Variants in BIN1 observed in about 807,000 individuals in gnomAD.
BIN1 encodes bridging integrator 1.
A neutral mutation model predicts 82.0 loss-of-function variants in BIN1; 53 were observed. The ratio of observed to expected loss-of-function variants is 0.65; its 90% CI spans 0.52 to 0.81. The LOEUF is 0.81. BIN1 is among the 40% of genes least tolerant of loss of function. The pLI is 0.00. For missense variants in BIN1, 642 were observed against 784.4 expected, an observed-to-expected ratio of 0.82 and a Z score of 2.17; for synonymous variants, 302 against 328.0, an observed-to-expected ratio of 0.92 and a Z score of 0.86.
chr2:127,052,108 T>G (rs1573538401), intron 15 of BIN1, 147 bp downstream of exon 15: 3 of 912,654 alleles, frequency 3.3e-6, no homozygotes, highest in Non-Finnish European at 3.4e-6. Flanking sequence ...AAGCCCGTGC[T>G]GGGGCAGCCT....
chr2:127,070,159 G>T, intron 4 of BIN1, 69 bp from the exon 5 acceptor site: 2 of 1,290,130 alleles, frequency 1.6e-6, no homozygotes, highest in South Asian at 2.4e-5. Context: ...CGCTCACCTC[G>T]CAGGGACCAG....
rs761498959 is a variant in BIN1, at chr2:127,052,373, G to A, written c.1264-11C>T. 4 of 1,566,342 alleles carry A rather than the reference G, an allele frequency of 2.6e-6. No individual in the cohort carries two copies. The highest frequency in any genetic ancestry group is 3.5e-6 in the Non-Finnish European group (4 of 1,155,596). ...TGGACTCTCTGTGGGCTGGTAACAG[G>A]CCACGAGGAGAGAACAGGGAGGGGG... On this transcript the variant is annotated splice_polypyrimidine_tract_variant and intron_variant, in intron 14 of 18. Coordinates refer to ENST00000316724, the MANE Select transcript of BIN1 (RefSeq NM_139343.3).
rs1684123511 is a variant in BIN1 at position 127,059,253 on chromosome 2, C to T, written c.858-98G>A. ...TGACGTCTGTGTGAAGAGGTGTGTG[C>T]ATATGGAGGTGTGAAACTGTGTGTG... is the stretch of plus-strand genomic sequence containing the variant. On this transcript the variant is annotated intron_variant, in intron 10 of 18. Transcript: ENST00000316724. This position sits in a 1 kb window ranked among gnomAD's most constrained non-coding sequence, Gnocchi z 6.7. The T allele has an allele frequency of 7.8e-7, 1 of 1,286,124 alleles. No homozygotes were observed. Among genetic ancestry groups the T allele is most frequent in the Admixed American group, 2.2e-5 (1 of 44,566 alleles). The allele number at this position is 1,286,124 out of a possible 1,614,324, so 79.7% of individuals were successfully genotyped here. A position where few individuals can be genotyped will look rare whatever the true frequency, so the allele number is the denominator to read the frequency against.
intron 13 of BIN1, 72 bp downstream of exon 13, chr2:127,053,833 A>G (rs1683282156): frequency 6.9e-7 from 1 of 1,457,142 alleles, no homozygotes; most frequent in Non-Finnish European, 9.4e-7. Context: ...CACGTGGCCA[A>G]TAGGCAACAT....
chr2:127,066,811 C>T (rs2105034804), intron 7 of BIN1, among the ~76,000 whole-genome samples: 1 of 152,342 alleles, frequency 6.6e-6, no homozygotes, highest in East Asian at 1.9e-4. Flanking sequence ...TGGCTCAGGC[C>T]TGTAATCCCA....
intron 15 of BIN1, among the ~76,000 whole-genome samples, chr2:127,051,589 C>T (rs932235421): frequency 6.6e-6 from 1 of 151,884 alleles, no homozygotes; most frequent in African/African-American, 2.4e-5. Flanking sequence ...CAGCCACCAC[C>T]CGCCCACCCT....
intron 1 of BIN1, among the ~76,000 whole-genome samples, chr2:127,076,946 G>T (rs1180113482): frequency 6.6e-6 from 1 of 152,172 alleles, no homozygotes; most frequent in African/African-American, 2.4e-5. Context: ...CTTAGGACAG[G>T]CTTGACGTAG....
chr2:127,094,467 A>T (rs1679325951), intron 1 of BIN1, among the ~76,000 whole-genome samples: 1 of 152,146 alleles, frequency 6.6e-6, no homozygotes, highest in Non-Finnish European at 1.5e-5. Flanking sequence ...TCAAAAGGAG[A>T]TGAGGAGGGA....
At chr2:127,065,783 A>T (rs939840631) in intron 7 of BIN1, among the ~76,000 whole-genome samples, 2 of 152,190 alleles carry the variant, frequency 1.3e-5, no homozygotes, top group Non-Finnish European at 2.9e-5. Context: ...CGCTGCCGAG[A>T]GCAAGAGCGG....
At chr2:127,076,770 T>A in intron 1 of BIN1, 64 bp from the exon 2 acceptor site, 1 of 1,576,524 alleles carries the variant, frequency 6.3e-7, no homozygotes, top group Non-Finnish European at 8.7e-7. Context: ...AAACCAAGAG[T>A]GCTCAGTCAC....
At chr2:127,104,971 G>C (rs892026303) in intron 1 of BIN1, among the ~76,000 whole-genome samples, 4 of 152,214 alleles carry the variant, frequency 2.6e-5, no homozygotes, top group East Asian at 1.9e-4. Context: ...CAGGAAGCCC[G>C]GCATGGGCAA....
At chr2:127,063,434 G>A (rs1166125002) in intron 9 of BIN1, 137 bp downstream of exon 9, 17 of 944,330 alleles carry the variant, frequency 1.8e-5, no homozygotes, top group South Asian at 6.1e-5. Context: ...CCACAGGGCC[G>A]GGAGGGAGCC....
intron 1 of BIN1, among the ~76,000 whole-genome samples, chr2:127,103,397 C>T (rs1053874079): frequency 6.6e-6 from 1 of 152,164 alleles, no homozygotes; most frequent in Non-Finnish European, 1.5e-5. Flanking sequence ...CTTCCTTTAG[C>T]GAGCCTCTTC....
At chr2:127,061,974 G>A in intron 10 of BIN1, 141 bp downstream of exon 10, 2 of 890,440 alleles carry the variant, frequency 2.2e-6, no homozygotes, top group South Asian at 1.6e-5. Flanking sequence ...CCTGAGCACA[G>A]AGAGGCCAAG....
chr2:127,064,611 C>T (rs572640813), intron 7 of BIN1, among the ~76,000 whole-genome samples: 9 of 152,222 alleles, frequency 5.9e-5, no homozygotes, highest in Admixed American at 5.9e-4. Flanking sequence ...CAGAGGGAGA[C>T]CAGAGGCAGC....
chr2:127,076,715 GC>G lies in BIN1; in HGVS notation c.85-10del. 1 of 1,614,104 alleles carries G rather than the reference GC, an allele frequency of 6.2e-7. No homozygotes were observed. Among genetic ancestry groups the G allele is most frequent in the South Asian group, 1.1e-5 (1 of 91,080 alleles). On this transcript the variant is annotated splice_polypyrimidine_tract_variant and intron_variant, in intron 1 of 18. Coordinates refer to ENST00000316724, the MANE Select transcript of BIN1 (RefSeq NM_139343.3). ...CCCAGCTTCTGGAGAACCTGCCGAA[GC>G]CAAGAGAGAAGGGGAGAGTGTTACC...
rs1160040385 is a variant in BIN1 at position 127,093,440 on chromosome 2, AC to A, written c.84+13419del. The stretch of plus-strand genomic sequence containing the variant: ...TAGTTCACTCTCTCCCACTCCCTTC[AC>A]CCCTGAAGACCCTCATTCCACAGGG... On this transcript the variant is annotated intron_variant, in intron 1 of 18. Transcript: ENST00000316724. This position sits in a 1 kb window ranked among gnomAD's most constrained non-coding sequence, Gnocchi z 5.7. Among the ~76,000 whole-genome samples, 2 of 151,728 alleles carry A rather than the reference AC, an allele frequency of 1.3e-5. No individual in the cohort carries two copies. The highest frequency in any genetic ancestry group is 2.1e-4 in the South Asian group (1 of 4,802).
rs1450287060 is a variant in BIN1, at chr2:127,052,263, G to A, written c.1363C>T (p.Pro455Ser). 2 of 1,572,500 alleles carry A rather than the reference G, an allele frequency of 1.3e-6. No individual in the cohort carries two copies. The highest frequency in any genetic ancestry group is 1.7e-6 in the Non-Finnish European group (2 of 1,158,494). ...SWPSQTAEPG[P>S]AQPAEASEVA... is the part of the protein sequence containing the mutation. ...TGGAGGTGGGCACTTACTTGGGCAGGCCCCGGCTCGGCCGTCTGGCTGGGC... is the reference window on the plus strand; with the variant it reads ...TGGAGGTGGGCACTTACTTGGGCAGACCCCGGCTCGGCCGTCTGGCTGGGC... Residue 455 changes from proline (P) to serine (S), a missense_variant, in exon 15 of 19, where the codon CCT becomes TCT. Physicochemically the swap from Pro to Ser is moderately conservative, Grantham distance 74 (BLOSUM62 -1). Coordinates refer to ENST00000316724, the MANE Select transcript of BIN1 (RefSeq NM_139343.3).
In BIN1 at chr2:127,093,949, A is replaced by G. The variant is rs1350916104; in HGVS notation, c.84+12911T>C. Reference sequence around the variant, plus strand: ...CTAAACTCAGACAGGACGGCCCTAGAGGATACACACGGAGGGCATGGGTGC... The same window carrying G: ...CTAAACTCAGACAGGACGGCCCTAGGGGATACACACGGAGGGCATGGGTGC... On this transcript the variant is annotated intron_variant, in intron 1 of 18. Coordinates refer to ENST00000316724, the MANE Select transcript of BIN1 (RefSeq NM_139343.3). The surrounding 1 kb of genome is among the most constrained non-coding windows in gnomAD (Gnocchi z 5.7). Among the ~76,000 whole-genome samples, 2 of 152,124 alleles carry G rather than the reference A, an allele frequency of 1.3e-5. No homozygotes were observed. The highest frequency in any genetic ancestry group is 4.8e-5 in the African/African-American group (2 of 41,426).
Sources: gnomAD v4.1 joint callset for allele counts (sites outside exome capture counted in the v4.1 genomes callset) on GRCh38, gnomAD v4.1.1 for gene constraint, Gnocchi (gnomAD v3.1) non-coding constraint, MANE v1.5 for transcripts, NCBI Gene and HGNC (gene_info 2026-07-23, HGNC 2026-07-21) for gene names.